Variants in SCN2A observed in about 807,000 individuals in gnomAD.
SCN2A encodes sodium voltage-gated channel alpha subunit 2.
In SCN2A, 20 loss-of-function variants were observed where a neutral mutation model predicts 188.7. The ratio of observed to expected loss-of-function variants is 0.11; its 90% CI spans 0.07 to 0.15. The LOEUF is 0.15. Among genes scored for constraint, SCN2A ranks in the 10% least tolerant of loss-of-function variants. The probability of loss-of-function intolerance (pLI) is 1.00; values close to 1 mark genes in which losing one functional copy is unlikely to be tolerated. For missense variants in SCN2A, 1,278 were observed against 2,445.0 expected, an observed-to-expected ratio of 0.52 and a Z score of 10.07; for synonymous variants, 804 against 833.1, an observed-to-expected ratio of 0.97 and a Z score of 0.60.
chr2:165,266,665 C>G (rs1261971113), intron 1 of SCN2A: 1 of 152,034 alleles, frequency 6.6e-6, no homozygotes, highest in Non-Finnish European at 1.5e-5. Context: ...TTGTCTTTTG[C>G]CTGGGCTCTT....
At chr2:165,296,696 AT>A in intron 2 of SCN2A, 1 of 182,888 alleles carries the variant, frequency 5.5e-6, no homozygotes, top group East Asian at 1.5e-4. Flanking sequence ...AAAAAAAAAA[AT>A]CAAAGCCTCA....
At chr2:165,377,015 G>A (rs1170303002) in intron 22 of SCN2A, among the ~76,000 whole-genome samples, 1 of 151,954 alleles carries the variant, frequency 6.6e-6, no homozygotes, top group Non-Finnish European at 1.5e-5. Context: ...TGTCAACGGA[G>A]CAGAAAACAA....
At chr2:165,289,221 A>G (rs1286392745) in intron 1 of SCN2A, among the ~76,000 whole-genome samples, 1 of 152,072 alleles carries the variant, frequency 6.6e-6, no homozygotes. Flanking sequence ...TTATTACTAC[A>G]TACCCTTATT....
intron 16 of SCN2A, among the ~76,000 whole-genome samples, chr2:165,352,364 T>C (rs1471001548): frequency 6.6e-6 from 1 of 152,154 alleles, no homozygotes; most frequent in Admixed American, 6.5e-5. Flanking sequence ...CATTGGATCT[T>C]ACATATTTTT....
intron 1 of SCN2A, among the ~76,000 whole-genome samples, chr2:165,263,717 A>G (rs1284223884): frequency 1.3e-5 from 2 of 151,742 alleles, no homozygotes; most frequent in Non-Finnish European, 1.5e-5. Context: ...TTTTCATATG[A>G]ATTTTAAGAT....
chr2:165,265,471 C>CTCTATATA (rs1380825419), intron 1 of SCN2A, among the ~76,000 whole-genome samples: 11 of 29,022 alleles, frequency 3.8e-4, no homozygotes, highest in African/African-American at 1.3e-3. Flanking sequence ...CTCTGTTGAT[C>CTCTATATA]TATATATATA....
intron 3 of SCN2A, among the ~76,000 whole-genome samples, chr2:165,298,697 T>C (rs925050730): frequency 2.0e-5 from 3 of 152,170 alleles, no homozygotes; most frequent in Non-Finnish European, 2.9e-5. Flanking sequence ...GATTATAAAT[T>C]ATGATCTATT....
chr2:165,387,088 T>G, intron 26 of SCN2A, 72 bp downstream of exon 26: 3 of 1,432,156 alleles, frequency 2.1e-6, no homozygotes, highest in Non-Finnish European at 2.9e-6. Context: ...TTTAGAGGTG[T>G]TTTTCACTAA....
At chr2:165,305,106 A>G (rs1221558823) in intron 3 of SCN2A, among the ~76,000 whole-genome samples, 1 of 152,226 alleles carries the variant, frequency 6.6e-6, no homozygotes, top group African/African-American at 2.4e-5. Flanking sequence ...ATCCAGAGAT[A>G]GCAGGCAGAA....
At chr2:165,274,374 A>G (rs1468622499) in intron 1 of SCN2A, 1 of 151,604 alleles carries the variant, frequency 6.6e-6, no homozygotes, top group Non-Finnish European at 1.5e-5. Flanking sequence ...AAAAAAAAAA[A>G]AAAAGAAAGG....
intron 1 of SCN2A, among the ~76,000 whole-genome samples, chr2:165,249,631 A>C (rs1032222840): frequency 1.3e-5 from 2 of 152,044 alleles, no homozygotes; most frequent in Admixed American, 6.6e-5. Flanking sequence ...CAATCCCTTA[A>C]GTGTAATAAA....
chr2:165,354,685 A>C lies in SCN2A; in HGVS notation c.3399+14A>C, dbSNP rs376371059. 1.1e-4 allele frequency: 185 copies of C among 1,611,516 alleles called. No homozygotes were observed. Among genetic ancestry groups the C allele is most frequent in the Non-Finnish European group, 1.5e-4 (179 of 1,179,304 alleles). On this transcript the variant is annotated intron_variant, in intron 17 of 26. Transcript: ENST00000375437. The stretch of plus-strand genomic sequence containing the variant: ...GAAAGCAAAGAGGTAAAAATGTTTA[A>C]ATAAGGAGATATTTTGGTGTTATAT...
chr2:165,365,609 C>A (rs1559391909), intron 18 of SCN2A, among the ~76,000 whole-genome samples: 1 of 152,056 alleles, frequency 6.6e-6, no homozygotes, highest in African/African-American at 2.4e-5. Context: ...AGCCAAATCA[C>A]ACACATCTCT....
intron 13 of SCN2A, 158 bp downstream of exon 13, chr2:165,327,142 T>G: frequency 1.1e-6 from 1 of 921,298 alleles, no homozygotes; most frequent in Non-Finnish European, 1.6e-6. Flanking sequence ...ATGGATTCTA[T>G]TATCTTCCAC....
At chr2:165,310,230 T>C in intron 6 of SCN2A, 93 bp from the exon 7 acceptor site, 1 of 1,353,660 alleles carries the variant, frequency 7.4e-7, no homozygotes, top group Non-Finnish European at 1.1e-6. Flanking sequence ...CTGCATGACA[T>C]TTTTATTTTC....
intron 22 of SCN2A, among the ~76,000 whole-genome samples, chr2:165,375,435 A>G (rs555245130): frequency 1.3e-5 from 2 of 152,010 alleles, no homozygotes; most frequent in South Asian, 4.1e-4. Flanking sequence ...GTATTTCTAT[A>G]TACACACGTA....
At chr2:165,300,611 A>G (rs1373609675) in intron 3 of SCN2A, among the ~76,000 whole-genome samples, 1 of 152,286 alleles carries the variant, frequency 6.6e-6, no homozygotes, top group East Asian at 1.9e-4. Context: ...AACAGCAAGT[A>G]TGAAGGTAAA....
At chr2:165,276,687 C>T (rs559520825) in intron 1 of SCN2A, among the ~76,000 whole-genome samples, 1 of 152,256 alleles carries the variant, frequency 6.6e-6, no homozygotes, top group East Asian at 1.9e-4. Flanking sequence ...ATTATTAATT[C>T]AGTACCACAT....
At chr2:165,289,842 TG>T (rs1696021692) in intron 1 of SCN2A, among the ~76,000 whole-genome samples, 1 of 152,132 alleles carries the variant, frequency 6.6e-6, no homozygotes, top group Non-Finnish European at 1.5e-5. Flanking sequence ...CTAGAATCAA[TG>T]GGAGAGAAAG....
Sources: allele counts gnomAD v4.1 joint callset (sites outside exome capture counted in the v4.1 genomes callset), GRCh38; gene constraint gnomAD v4.1.1; transcripts MANE v1.5; gene names NCBI Gene and HGNC (gene_info 2026-07-23, HGNC 2026-07-21).